The following SDK1 variants were observed in gnomAD, a reference collection of about 807,000 sequenced individuals.
SDK1 encodes the protein sidekick cell adhesion molecule 1, also known as protein sidekick-1.
SDK1 carries 157 observed loss-of-function variants against 245.5 expected under a neutral mutation model. The observed-to-expected ratio is 0.64, with a 90% CI of 0.56 to 0.73. SDK1 has a LOEUF of 0.73. SDK1 is among the 30% of genes least tolerant of loss of function. The probability of loss-of-function intolerance (pLI) is 0.00; values close to 1 mark genes in which losing one functional copy is unlikely to be tolerated. For missense variants in SDK1, 3,583 were observed against 3,002.3 expected (o/e 1.19, Z -4.52); for synonymous variants, 1,647 against 1,278.5 (o/e 1.29, Z -6.15).
At chr7:3,409,922 G>A (rs1325762885) in intron 1 of SDK1, among the ~76,000 whole-genome samples, 2 of 152,090 alleles carry the variant, frequency 1.3e-5, no homozygotes, top group African/African-American at 4.8e-5. Flanking sequence ...CAGCACAGAG[G>A]TGATCATAAC....
chr7:4,242,760 AC>A (rs1786609113), intron 43 of SDK1, among the ~76,000 whole-genome samples: 1 of 152,136 alleles, frequency 6.6e-6, no homozygotes, highest in Non-Finnish European at 1.5e-5. Context: ...ACCCAGACAG[AC>A]CCCAGGGTTT....
intron 5 of SDK1, among the ~76,000 whole-genome samples, chr7:3,843,281 A>T (rs1298022285): frequency 6.6e-6 from 1 of 152,238 alleles, no homozygotes; most frequent in Non-Finnish European, 1.5e-5. Context: ...TGCATAACGT[A>T]GACTCACATG....
rs1400011161 is a variant in SDK1 at position 4,225,145 on chromosome 7, G to A, written c.5827+3781G>A. Reference sequence around the variant, plus strand: ...GGCTGTCACAGGGTCACAGAAGGAGGCATTCTGGATCTCGACCGCATCCCT... The same window carrying A: ...GGCTGTCACAGGGTCACAGAAGGAGACATTCTGGATCTCGACCGCATCCCT... On this transcript the variant is annotated intron_variant, in intron 40 of 44. Transcript: ENST00000404826. Among the ~76,000 whole-genome samples the A allele has an allele frequency of 2.0e-5, 3 of 152,002 alleles. No individual in the cohort carries two copies. In the East Asian group the frequency reaches 5.8e-4, roughly 29 times the overall value.
At chr7:3,415,593 C>A (rs928796016) in intron 1 of SDK1, among the ~76,000 whole-genome samples, 1 of 151,830 alleles carries the variant, frequency 6.6e-6, no homozygotes. Flanking sequence ...TATACACACA[C>A]AGAAGTACAA....
chr7:3,555,497 C>T (rs1005252165), intron 1 of SDK1, among the ~76,000 whole-genome samples: 1 of 152,078 alleles, frequency 6.6e-6, no homozygotes, highest in African/African-American at 2.4e-5. Context: ...GGAAACTCTC[C>T]AGGGCATTGG....
At chr7:3,773,451 C>T (rs1431824843) in intron 4 of SDK1, among the ~76,000 whole-genome samples, 2 of 151,962 alleles carry the variant, frequency 1.3e-5, no homozygotes, top group African/African-American at 4.8e-5. Flanking sequence ...TCTTGGCTTT[C>T]TCCACATCTG....
intron 1 of SDK1, among the ~76,000 whole-genome samples, chr7:3,607,411 T>C (rs1781457788): frequency 6.6e-6 from 1 of 152,210 alleles, no homozygotes; most frequent in African/African-American, 2.4e-5. Flanking sequence ...ATACTATATA[T>C]TTTCTTTGTT....
At chr7:4,172,071 G>C (rs570693796) in intron 32 of SDK1, among the ~76,000 whole-genome samples, 4 of 152,172 alleles carry the variant, frequency 2.6e-5, no homozygotes, top group Non-Finnish European at 5.9e-5. Context: ...TCTAAGACAC[G>C]GATCGCAAAG....
rs550282464 is a variant in SDK1 at position 3,981,994 on chromosome 7, T to C, written c.1995-5192T>C. ...GGGAAGAAGATACCATCTAGGACTT[T>C]CCTAGTTACGGAGGAGAAATCAATG... On this transcript the variant is annotated intron_variant, in intron 13 of 44. Transcript: ENST00000404826. Among the ~76,000 whole-genome samples, 8 of 152,330 alleles carry C rather than the reference T, an allele frequency of 5.3e-5. No homozygotes were observed. In the East Asian group the frequency reaches 1.4e-3, roughly 26 times the overall value.
At chr7:4,070,864 C>G (rs1780211262) in intron 20 of SDK1, among the ~76,000 whole-genome samples, 1 of 152,164 alleles carries the variant, frequency 6.6e-6, no homozygotes, top group South Asian at 2.1e-4. Context: ...CGTGAGCCAC[C>G]ACGCCTGGCT....
chr7:3,999,860 G>A (rs908982304), intron 14 of SDK1, among the ~76,000 whole-genome samples: 4 of 152,294 alleles, frequency 2.6e-5, no homozygotes, highest in African/African-American at 9.6e-5. Flanking sequence ...TAGCAGCCTC[G>A]GGTGCATCAT....
intron 1 of SDK1, among the ~76,000 whole-genome samples, chr7:3,305,886 A>T (rs1779406595): frequency 6.6e-6 from 1 of 152,190 alleles, no homozygotes; most frequent in Non-Finnish European, 1.5e-5. Context: ...GCAGCTCCTG[A>T]GAGGTAGACA....
chr7:4,148,246 C>A (rs577062767), intron 29 of SDK1, among the ~76,000 whole-genome samples: 58 of 152,360 alleles, frequency 3.8e-4, no homozygotes, highest in African/African-American at 1.2e-3. Context: ...ACACCCGCCA[C>A]TGGGGGCCGA....
chr7:4,264,706 G>A (rs543886290), intron 44 of SDK1, among the ~76,000 whole-genome samples: 6 of 136,186 alleles, frequency 4.4e-5, no homozygotes, highest in East Asian at 2.3e-4. Flanking sequence ...GTGGGGAGGC[G>A]GTGTGGACCT....
intron 5 of SDK1, among the ~76,000 whole-genome samples, chr7:3,868,385 C>G (rs913747186): frequency 2.0e-5 from 3 of 152,110 alleles, no homozygotes; most frequent in African/African-American, 7.2e-5. Flanking sequence ...TTAAAACTGT[C>G]TGTGTGGAGG....
In SDK1 at chr7:3,508,901, A is replaced by G. The variant is rs1286561420; in HGVS notation, c.299-110179A>G. 3.9e-5 allele frequency among the ~76,000 whole-genome samples: 6 copies of G among 152,318 alleles called. No homozygotes were observed. The South Asian group carries it at 1.2e-3, about 32-fold the overall frequency. The stretch of plus-strand genomic sequence containing the variant: ...ATGAATGATATTATAGGAAGTGAGT[A>G]TTTTATTCAGTGCAGGATTTAGTTT... On this transcript the variant is annotated intron_variant, in intron 1 of 44. Transcript: ENST00000404826.
rs1400165700 is a variant in SDK1 at position 3,422,635 on chromosome 7, A to T, written c.298+120751A>T. ...TAGCAAGACCCCATCACACACACCC[A>T]GAAAACATCAAATTATTTCTTTCTG... On this transcript the variant is annotated intron_variant, in intron 1 of 44. Transcript: ENST00000404826. Among the ~76,000 whole-genome samples the T allele has an allele frequency of 2.0e-5, 3 of 152,218 alleles. 1 individual carries two copies. Among genetic ancestry groups the T allele is most frequent in the Non-Finnish European group, 4.4e-5 (3 of 68,042 alleles).
At chr7:4,112,529 C>T (rs1459472585) in intron 23 of SDK1, among the ~76,000 whole-genome samples, 3 of 152,140 alleles carry the variant, frequency 2.0e-5, no homozygotes, top group African/African-American at 7.2e-5. Context: ...CAAAACTGCC[C>T]TTTGGTAGTG....
chr7:3,416,590 C>G lies in SDK1; in HGVS notation c.298+114706C>G, dbSNP rs556886930. Among the ~76,000 whole-genome samples, 189 of 151,990 alleles carry G rather than the reference C, an allele frequency of 1.2e-3. 4 individuals carry two copies. Among genetic ancestry groups the G allele is most frequent in the African/African-American group, 4.4e-3 (183 of 41,442 alleles). ...TTAGGGAGGTGTTCCCCTGGCAGGC[C>G]TAATCTGGTCTATACTTCTTCTAGT... On this transcript the variant is annotated intron_variant, in intron 1 of 44. Transcript: ENST00000404826.
Sources: gnomAD v4.1 joint callset for allele counts (sites outside exome capture counted in the v4.1 genomes callset) on GRCh38, gnomAD v4.1.1 for gene constraint, MANE v1.5 for transcripts, NCBI Gene and HGNC (gene_info 2026-07-23, HGNC 2026-07-21) for gene names.